The following ZFYVE26 variants were observed in gnomAD, a reference collection of about 807,000 sequenced individuals.
ZFYVE26 encodes the protein zinc finger FYVE domain-containing protein 26.
A neutral mutation model predicts 276.5 loss-of-function variants in ZFYVE26; 181 were observed. The observed-to-expected ratio is 0.65, with a 90% confidence interval of 0.58 to 0.74. The LOEUF is 0.74. Ranked by LOEUF, ZFYVE26 falls within the 30% of genes least tolerant of loss-of-function variation. The pLI, the probability that ZFYVE26 is intolerant of heterozygous loss-of-function variation, is 0.00. For missense variants in ZFYVE26, 2,821 were observed against 3,097.9 expected (o/e 0.91, Z 2.12); for synonymous variants, 1,129 against 1,203.1 (o/e 0.94, Z 1.27).
chr14:67,762,857 A>C, intron 32 of ZFYVE26, 38 bp from the exon 33 acceptor site: 1 of 1,611,902 alleles, frequency 6.2e-7, no homozygotes, highest in Non-Finnish European at 8.5e-7. Context: ...GAGGCTCCCT[A>C]GTGTCTTACT....
At chr14:67,783,607 A>C in intron 20 of ZFYVE26, 82 bp from the exon 21 acceptor site, 4 of 1,553,890 alleles carry the variant, frequency 2.6e-6, no homozygotes, top group Non-Finnish European at 3.5e-6. Context: ...TTATGCTTAC[A>C]TGAGCAAATG....
At chr14:67,732,149 A>G (rs1286791401) in intron 13 of ZFYVE26, among the ~76,000 whole-genome samples, 2 of 142,766 alleles carry the variant, frequency 1.4e-5, no homozygotes, top group Non-Finnish European at 3.1e-5. Context: ...AAAAAAAAAA[A>G]TTTAAGGCTG....
chr14:67,757,739 G>A (rs1478141635), intron 35 of ZFYVE26, among the ~76,000 whole-genome samples: 1 of 148,082 alleles, frequency 6.8e-6, no homozygotes, highest in Non-Finnish European at 1.5e-5. Flanking sequence ...TTTTAAGACA[G>A]AATCTCACTC....
intron 35 of ZFYVE26, among the ~76,000 whole-genome samples, chr14:67,759,691 G>A (rs1027076232): frequency 4.6e-5 from 7 of 151,542 alleles, no homozygotes; most frequent in Non-Finnish European, 1.0e-4. Context: ...TGGAATGTAA[G>A]GTACACATAG....
At chr14:67,736,582 G>A (rs1226560773) in intron 13 of ZFYVE26, among the ~76,000 whole-genome samples, 4 of 152,084 alleles carry the variant, frequency 2.6e-5, no homozygotes, top group African/African-American at 7.2e-5. Context: ...CTTGGAAGAG[G>A]GATAGCATTC....
At chr14:67,752,184 G>A (rs1034052334) in intron 40 of ZFYVE26, among the ~76,000 whole-genome samples, 160 bp downstream of exon 40, 1 of 152,214 alleles carries the variant, frequency 6.6e-6, no homozygotes, top group Admixed American at 6.5e-5. Context: ...TCTTTACAGG[G>A]AAGGGTCAAT....
intron 13 of ZFYVE26, chr14:67,733,684 A>G: frequency 9.0e-7 from 1 of 1,106,302 alleles, no homozygotes. Context: ...GAAAGGGACC[A>G]TAAAGATTTC....
chr14:67,800,299 C>T (rs2040050257), intron 10 of ZFYVE26, among the ~76,000 whole-genome samples: 1 of 152,136 alleles, frequency 6.6e-6, no homozygotes, highest in Admixed American at 6.5e-5. Context: ...TTATAATAGA[C>T]AGCCTGGTTT....
At chr14:67,755,861 C>T (rs2140185208) in intron 36 of ZFYVE26, 87 bp downstream of exon 36, 4 of 1,501,678 alleles carry the variant, frequency 2.7e-6, no homozygotes, top group Middle Eastern at 1.8e-4. Flanking sequence ...GGACCAATGA[C>T]AGTCTCATTC....
rs1406443183 is a variant in ZFYVE26 at position 67,761,452 on chromosome 14, G to A, written c.6502C>T (p.His2168Tyr). The stretch of plus-strand genomic sequence containing the variant: ...ATGGCCAGGTTGGTGCTATAGTTGT[G>A]CAGGTAGAAGAGGCATTCCTGGTAG... ...TYYQECLFYL[H>Y]NYSTNLAIIS... The change falls in exon 35 of 42, where the codon CAC (histidine) becomes TAC (tyrosine). Residue 2168 changes from histidine to tyrosine, a missense_variant. Transcript: ENST00000347230. 1 of 1,614,082 alleles carries A rather than the reference G, an allele frequency of 6.2e-7. No individual in the cohort carries two copies. The highest frequency in any genetic ancestry group is 1.3e-5 in the African/African-American group (1 of 74,930).
At chr14:67,762,878 G>A (rs535856767) in intron 32 of ZFYVE26, 59 bp from the exon 33 acceptor site, 24 of 1,601,428 alleles carry the variant, frequency 1.5e-5, no homozygotes, top group African/African-American at 2.7e-5. Context: ...AAGAGTAGCC[G>A]CTTAAAGGTT....
intron 22 of ZFYVE26, among the ~76,000 whole-genome samples, chr14:67,781,019 C>A (rs761459792): frequency 1.3e-5 from 2 of 152,078 alleles, no homozygotes; most frequent in African/African-American, 4.8e-5. Context: ...ATAGAAGACA[C>A]AATATACAAA....
intron 6 of ZFYVE26, among the ~76,000 whole-genome samples, chr14:67,806,339 T>C (rs1457345575): frequency 2.0e-5 from 3 of 152,224 alleles, no homozygotes; most frequent in Admixed American, 6.5e-5. Context: ...AAAGGACCGA[T>C]GTAAAATGAC....
intron 16 of ZFYVE26, among the ~76,000 whole-genome samples, chr14:67,786,755 C>T (rs1053227997): frequency 6.6e-5 from 10 of 152,212 alleles, no homozygotes; most frequent in Non-Finnish European, 1.5e-4. Context: ...TCTTGCAGCA[C>T]TCTTCACAAT....
intron 14 of ZFYVE26, among the ~76,000 whole-genome samples, chr14:67,792,913 C>CAAAAAAAAAAA (rs34041446): frequency 7.0e-5 from 4 of 56,806 alleles, no homozygotes; most frequent in Non-Finnish European, 1.3e-4. Flanking sequence ...AAATCTGTCT[C>CAAAAAAAAAAA]AAAAAAAAAA....
chr14:67,731,349 G>T (rs1490787369), intron 13 of ZFYVE26, among the ~76,000 whole-genome samples: 1 of 151,018 alleles, frequency 6.6e-6, no homozygotes, highest in Non-Finnish European at 1.5e-5. Context: ...CGAGTAGCTG[G>T]GATTACAGGT....
intron 1 of ZFYVE26, 100 bp from the exon 2 acceptor site, chr14:67,816,146 T>A: frequency 1.7e-6 from 1 of 571,788 alleles, no homozygotes; most frequent in Non-Finnish European, 3.1e-6. Flanking sequence ...CTTGCTTGCC[T>A]AAGTATCGTT....
chr14:67,745,104 T>C (rs1224059641), downstream of ZFYVE26, among the ~76,000 whole-genome samples: 1 of 152,246 alleles, frequency 6.6e-6, no homozygotes, highest in Admixed American at 6.5e-5. Flanking sequence ...ATAATTGCCA[T>C]TCTAACTGGC....
At chr14:67,737,786 C>G (rs1240887094) in intron 13 of ZFYVE26, among the ~76,000 whole-genome samples, 1 of 152,244 alleles carries the variant, frequency 6.6e-6, no homozygotes, top group East Asian at 1.9e-4. Context: ...TGATCTCAAA[C>G]TCCTGGACTC....
Sources: gnomAD v4.1 joint callset for allele counts (sites outside exome capture counted in the v4.1 genomes callset) on GRCh38, gnomAD v4.1.1 for gene constraint, MANE v1.5 for transcripts, NCBI Gene and HGNC (gene_info 2026-07-23, HGNC 2026-07-21) for gene names.